Variants in CARS2 observed in about 807,000 individuals in gnomAD.
CARS2 encodes the protein probable cysteine--tRNA ligase, mitochondrial.
Under a neutral mutation model 68.8 loss-of-function variants are expected in CARS2, and 52 were observed. That is an observed-to-expected ratio of 0.76 (90% CI 0.61 to 0.95). The LOEUF (loss-of-function observed/expected upper bound fraction) is 0.95, where lower values mean the gene tolerates loss of function less well. Among genes scored for constraint, CARS2 ranks in the 40% least tolerant of loss-of-function variants. The pLI, the probability that CARS2 is intolerant of heterozygous loss-of-function variation, is 0.00. For synonymous variants in CARS2, 314 were observed against 303.6 expected (o/e 1.03, Z -0.36); for missense variants, 780 against 754.2 (o/e 1.03, Z -0.40).
Position 110,641,585 on chromosome 13 carries a change from C to T in CARS2, c.1647G>A (p.Thr549=), listed in dbSNP as rs201728933. The part of the protein sequence containing the change: ...NIKDRSSTTS[T]WELLDQRTKD... ...TTGTCCTTTGATCCAGCAGTTCCCA[C>T]GTGGATGTTGTACTGCTTCTGTCCT... The change falls in exon 15 of 15, where the codon ACG becomes ACA. Residue 549 remains threonine (T), a synonymous_variant. Coordinates refer to ENST00000257347, the MANE Select transcript of CARS2 (RefSeq NM_024537.4). The T allele has an allele frequency of 3.0e-5, 49 of 1,614,044 alleles. No homozygotes were observed. Among genetic ancestry groups the T allele is most frequent in the African/African-American group, 9.3e-5 (7 of 75,058 alleles).
rs533195198 is a variant in CARS2 at position 110,659,108 on chromosome 13, A to C, written c.987+4343T>G. The stretch of plus-strand genomic sequence containing the variant: ...CCTAATGGTCAATAACAAGCATTAT[A>C]TACAGGTGTCCATGTGCATACATGC... On this transcript the variant is annotated intron_variant, in intron 9 of 14. Coordinates refer to ENST00000257347, the MANE Select transcript of CARS2 (RefSeq NM_024537.4). 2.0e-5 allele frequency among the ~76,000 whole-genome samples: 3 copies of C among 152,326 alleles called. No homozygotes were observed. The South Asian group carries it at 6.2e-4, about 32-fold the overall frequency.
intron 12 of CARS2, chr13:110,645,330 A>G (rs1887959303): frequency 6.6e-6 from 1 of 152,394 alleles, no homozygotes; most frequent in Non-Finnish European, 1.5e-5. Context: ...TGCTCAACTA[A>G]CAGAGCATGT....
chr13:110,702,044 CT>C (rs2063801588), intron 2 of CARS2, among the ~76,000 whole-genome samples: 1 of 152,194 alleles, frequency 6.6e-6, no homozygotes, highest in South Asian at 2.1e-4. Context: ...AAAATGCCAG[CT>C]TATTTATATA....
intron 14 of CARS2, among the ~76,000 whole-genome samples, 182 bp downstream of exon 14, chr13:110,642,133 A>G (rs1369668581): frequency 6.6e-6 from 1 of 152,126 alleles, no homozygotes; most frequent in Non-Finnish European, 1.5e-5. Context: ...CCTGGGAGGC[A>G]GAGGCAGAGG....
chr13:110,661,920 G>A (rs75540455), intron 9 of CARS2, among the ~76,000 whole-genome samples: 1,812 of 152,258 alleles, frequency 0.012, 43 homozygotes, highest in African/African-American at 0.042. Flanking sequence ...AATTACAACA[G>A]TAACATCAGA....
chr13:110,685,736 T>C (rs1594365493), intron 5 of CARS2, among the ~76,000 whole-genome samples: 1 of 152,008 alleles, frequency 6.6e-6, no homozygotes, highest in Non-Finnish European at 1.5e-5. Flanking sequence ...GAGAACTTCA[T>C]GGAGAGATGA....
intron 9 of CARS2, among the ~76,000 whole-genome samples, chr13:110,652,551 G>A (rs1220864173): frequency 2.6e-5 from 4 of 152,206 alleles, no homozygotes; most frequent in African/African-American, 7.2e-5. Flanking sequence ...CTGGAAGGAG[G>A]AGGACACTGC....
chr13:110,711,445 C>A (rs1440311247), upstream of CARS2, among the ~76,000 whole-genome samples: 1 of 152,248 alleles, frequency 6.6e-6, no homozygotes, highest in Non-Finnish European at 1.5e-5. Flanking sequence ...AACTCCTGAT[C>A]TCAGGCAATT....
Position 110,642,460 on chromosome 13 carries a change from A to G in CARS2, c.1478T>C (p.Phe493Ser). ...LHGVVDELVR[F>S]RQKVRQFALA... ...CGCAAACTGCCGGACCTTCTGCCGG[A>G]ACCGCACCAGCTCGTCCACCACACC... Residue 493 changes from phenylalanine (F) to serine (S), a missense_variant, in exon 14 of 15, where the codon TTC (phenylalanine) becomes TCC (serine). Coordinates refer to ENST00000257347, the MANE Select transcript of CARS2 (RefSeq NM_024537.4). The G allele has an allele frequency of 6.2e-7, 1 of 1,609,300 alleles. No homozygotes were observed. The highest frequency in any genetic ancestry group is 8.5e-7 in the Non-Finnish European group (1 of 1,178,316).
chr13:110,682,739 C>T (rs920328113), intron 6 of CARS2, among the ~76,000 whole-genome samples: 2 of 151,968 alleles, frequency 1.3e-5, no homozygotes, highest in Non-Finnish European at 2.9e-5. Flanking sequence ...ATATGATGTA[C>T]GTGTATGAGG....
At chr13:110,701,688 G>C (rs562461326) in intron 2 of CARS2, 133 bp from the exon 3 acceptor site, 5 of 584,788 alleles carry the variant, frequency 8.6e-6, no homozygotes, top group African/African-American at 1.9e-5. Flanking sequence ...CAGCGGAGCA[G>C]GTACAAGGAA....
intron 6 of CARS2, among the ~76,000 whole-genome samples, chr13:110,680,175 T>G (rs2063120313): frequency 6.9e-6 from 1 of 144,256 alleles, no homozygotes; most frequent in Non-Finnish European, 1.5e-5. Context: ...GTGGATCACC[T>G]GAGGTCAGGA....
At chr13:110,713,076 T>C (rs1594448948) in intron 1 of CARS2, 1 of 1,445,016 alleles carries the variant, frequency 6.9e-7, no homozygotes. Flanking sequence ...GCCCTCCCCT[T>C]CCTTCCGCCT....
intron 3 of CARS2, among the ~76,000 whole-genome samples, chr13:110,700,936 C>T (rs1245825761): frequency 6.6e-6 from 1 of 152,244 alleles, no homozygotes; most frequent in East Asian, 1.9e-4. Flanking sequence ...TAGATGTTAA[C>T]TTCCTTTACT....
intron 1 of CARS2, chr13:110,712,853 C>T: frequency 1.7e-6 from 2 of 1,148,784 alleles, no homozygotes; most frequent in Non-Finnish European, 1.3e-6. Flanking sequence ...CCCTCTCAGG[C>T]CCCTTTGTCT....
In CARS2 at chr13:110,645,998, T is replaced by G; in HGVS notation, c.1286A>C (p.His429Pro). 1 of 1,613,838 alleles carries G rather than the reference T, an allele frequency of 6.2e-7. No individual in the cohort carries two copies. The highest frequency in any genetic ancestry group is 8.5e-7 in the Non-Finnish European group (1 of 1,179,940). ...VVDAILGLAH[H>P]GNGQLRASLK... is the part of the protein sequence containing the mutation. ...GGACGCCCTGAGCTGTCCATTCCCG[T>G]GGTGTGCAAGGCCCAGGATGGCATC... Residue 429 changes from histidine (H) to proline (P), a missense_variant, in exon 12 of 15, where the codon CAC (histidine) becomes CCC (proline). By Grantham distance (77) the His-to-Pro change is moderately conservative (BLOSUM62 -2). Transcript: ENST00000257347.
intron 3 of CARS2, among the ~76,000 whole-genome samples, chr13:110,690,211 G>C (rs2063418227): frequency 6.6e-6 from 1 of 152,174 alleles, no homozygotes; most frequent in Admixed American, 6.5e-5. Context: ...CTGGGCGACA[G>C]AGCGAGATCC....
At chr13:110,646,296 C>T (rs768919571) in intron 11 of CARS2, 1 of 543,710 alleles carries the variant, frequency 1.8e-6, no homozygotes, top group Non-Finnish European at 3.1e-6. Context: ...AAGAAAAAGT[C>T]CCAGAGCAGA....
At chr13:110,685,921 AAC>A (rs1283601884) in intron 5 of CARS2, among the ~76,000 whole-genome samples, 174 of 151,782 alleles carry the variant, frequency 1.1e-3, no homozygotes, top group Non-Finnish European at 2.0e-3. Flanking sequence ...TGCAAATCTA[AAC>A]ACAGACTGCT....
Sources: allele counts gnomAD v4.1 joint callset (sites outside exome capture counted in the v4.1 genomes callset), GRCh38; gene constraint gnomAD v4.1.1; transcripts MANE v1.5; gene names NCBI Gene and HGNC (gene_info 2026-07-23, HGNC 2026-07-21).